AKAP12: variants seen among roughly 807,000 people sequenced by gnomAD.
The protein encoded by AKAP12 is A-kinase anchor protein 12.
A neutral mutation model predicts 79.9 loss-of-function variants in AKAP12; 32 were observed. That is an observed-to-expected ratio of 0.40 (90% CI 0.30 to 0.54). The LOEUF (loss-of-function observed/expected upper bound fraction) is 0.54, where lower values mean the gene tolerates loss of function less well. Among genes scored for constraint, AKAP12 ranks in the 20% least tolerant of loss-of-function variants. AKAP12 has a pLI of 0.48. For synonymous variants in AKAP12, 808 were observed against 857.0 expected (o/e 0.94, Z 1.00); for missense variants, 2,074 against 2,177.0 (o/e 0.95, Z 0.94).
At chr6:151,332,761 C>A (rs1777708278) in intron 3 of AKAP12, among the ~76,000 whole-genome samples, 1 of 147,984 alleles carries the variant, frequency 6.8e-6, no homozygotes, top group Non-Finnish European at 1.5e-5. Flanking sequence ...TGAATTCGGG[C>A]TCCAGAGGCT....
intron 2 of AKAP12, among the ~76,000 whole-genome samples, chr6:151,285,696 G>A (rs958511854): frequency 3.3e-5 from 5 of 152,034 alleles, no homozygotes; most frequent in Admixed American, 3.3e-4. Context: ...TTGTGGAGGG[G>A]AAAAGAAGTC....
At chr6:151,342,334 C>T (rs1242971341) in intron 3 of AKAP12, among the ~76,000 whole-genome samples, 2 of 152,188 alleles carry the variant, frequency 1.3e-5, no homozygotes, top group Admixed American at 1.3e-4. Context: ...CACACGATCG[C>T]ATGTGTTTTG....
In AKAP12 at chr6:151,353,836, T is replaced by C. The variant is rs1778367647; in HGVS notation, c.*12+84T>C. 1.3e-5 allele frequency: 11 copies of C among 877,436 alleles called. No individual in the cohort carries two copies. The South Asian group carries it at 1.9e-4, about 15-fold the overall frequency. 54.4% of individuals were successfully genotyped at this position (877,436 alleles called of 1,614,324 possible). ...TGTTACATAAGGAATCGGGAGCAAATAATTAATGCCTTCGTGTAGAACCTT... is the reference window on the plus strand; with the variant it reads ...TGTTACATAAGGAATCGGGAGCAAACAATTAATGCCTTCGTGTAGAACCTT... On this transcript the variant is annotated intron_variant, in intron 4 of 4. Transcript: ENST00000402676.
At position 151,350,279 on chromosome 6, in the gene AKAP12, G is replaced by T; in HGVS notation, c.1888G>T (p.Asp630Tyr). The change falls in exon 4 of 5, where the codon GAT becomes TAT. Residue 630 changes from aspartate to tyrosine, a missense_variant. Asp to Tyr is a radical substitution (Grantham distance 160). Coordinates refer to ENST00000402676, the MANE Select transcript of AKAP12 (RefSeq NM_005100.4). This position sits in a 1 kb window ranked among gnomAD's most constrained non-coding sequence, Gnocchi z 4.8. ...KKRVRRPSES[D>Y]KEDELDKVKS... ...GCGTGTTAGACGGCCTTCGGAAAGT[G>T]ATAAAGAAGATGAGCTGGACAAGGT... 6.2e-7 allele frequency: 1 copy of T among 1,614,078 alleles called. No individual in the cohort carries two copies. The highest frequency in any genetic ancestry group is 1.3e-5 in the African/African-American group (1 of 75,014).
chr6:151,259,453 TAC>T (rs1194708221), intron 2 of AKAP12, among the ~76,000 whole-genome samples: 1 of 146,214 alleles, frequency 6.8e-6, no homozygotes, highest in Non-Finnish European at 1.5e-5. Flanking sequence ...TGTATATATA[TAC>T]ACACATATAT....
chr6:151,255,242 G>A (rs1052243446), intron 2 of AKAP12, among the ~76,000 whole-genome samples: 3 of 151,520 alleles, frequency 2.0e-5, no homozygotes, highest in Non-Finnish European at 2.9e-5. Context: ...CTCGGCTCAC[G>A]GCAACCTCTG....
At chr6:151,329,916 G>A (rs140316817) in intron 3 of AKAP12, among the ~76,000 whole-genome samples, 68 of 152,326 alleles carry the variant, frequency 4.5e-4, no homozygotes, top group African/African-American at 1.2e-3. Flanking sequence ...TAACTGTAGA[G>A]TACCTTGCAA....
chr6:151,326,604 T>TA (rs1166040065), intron 3 of AKAP12, among the ~76,000 whole-genome samples: 3 of 152,150 alleles, frequency 2.0e-5, no homozygotes, highest in African/African-American at 7.2e-5. Flanking sequence ...GCAAATAACT[T>TA]ACACGCATCA....
intron 3 of AKAP12, among the ~76,000 whole-genome samples, chr6:151,306,516 C>T (rs368582062): frequency 4.6e-5 from 7 of 152,116 alleles, no homozygotes; most frequent in Non-Finnish European, 8.8e-5. Flanking sequence ...ACCTTGAGCT[C>T]GTTGTTCCAT....
chr6:151,354,593 C>T (rs112906250), intron 4 of AKAP12, among the ~76,000 whole-genome samples: 2,162 of 151,342 alleles, frequency 0.014, 41 homozygotes, highest in African/African-American at 0.048. Flanking sequence ...CAGGAGGTCT[C>T]GATCTCCTGA....
In AKAP12 at chr6:151,341,582, C is replaced by T. The variant is rs1039456156; in HGVS notation, c.320-7129C>T. 1,081 of 535,990 alleles carry T rather than the reference C, an allele frequency of 2.0e-3. 1 individual carries two copies. The highest frequency in any genetic ancestry group is 2.6e-3 in the Non-Finnish European group (1,014 of 393,340). The allele number at this position is 535,990 out of a possible 1,614,324, so 33.2% of individuals were successfully genotyped here. Reference sequence around the variant, plus strand: ...CTGGCTTCCCGGGCCCAGGCTTTCGCGAGCTATGGCAGCCGGCAGGGGCGC... The same window carrying T: ...CTGGCTTCCCGGGCCCAGGCTTTCGTGAGCTATGGCAGCCGGCAGGGGCGC... On this transcript the variant is annotated intron_variant, in intron 3 of 4. Transcript: ENST00000402676.
At chr6:151,325,162 C>T (rs149880235) in intron 3 of AKAP12, 1 of 985,384 alleles carries the variant, frequency 1.0e-6, no homozygotes, top group Non-Finnish European at 1.2e-6. Flanking sequence ...CAGAGCAGTG[C>T]AACGTGTGTG....
At chr6:151,242,835 G>A (rs1442474308) in intron 2 of AKAP12, among the ~76,000 whole-genome samples, 1 of 152,218 alleles carries the variant, frequency 6.6e-6, no homozygotes, top group Non-Finnish European at 1.5e-5. Context: ...GTGCCATGTT[G>A]CCTGGCACAG....
In AKAP12 at chr6:151,348,813, A is replaced by T. The variant is rs1191867896; in HGVS notation, c.422A>T (p.Glu141Val). The change falls in exon 4 of 5, where the codon GAG becomes GTG. Residue 141 changes from glutamate to valine, a missense_variant. Physicochemically the swap from Glu to Val is moderately radical, Grantham distance 121. Coordinates refer to ENST00000402676, the MANE Select transcript of AKAP12 (RefSeq NM_005100.4). ...GACATCACAGATGATGGGCAGGAGG[A>T]GACACCCGAAATAATCGAACAGATT... ...VHDITDDGQE[E>V]TPEIIEQIPS... 1.9e-6 allele frequency: 3 copies of T among 1,613,932 alleles called. No homozygotes were observed. In the African/African-American group the frequency reaches 4.0e-5, roughly 22 times the overall value.
chr6:151,343,595 C>T (rs1358063836), intron 3 of AKAP12, among the ~76,000 whole-genome samples: 2 of 152,046 alleles, frequency 1.3e-5, no homozygotes, highest in African/African-American at 2.4e-5. Context: ...ACCAGCCTGG[C>T]CAACATGGTG....
chr6:151,281,573 T>C (rs1582853493), intron 2 of AKAP12, among the ~76,000 whole-genome samples: 1 of 152,226 alleles, frequency 6.6e-6, no homozygotes, highest in East Asian at 1.9e-4. Flanking sequence ...TCCCAAATCC[T>C]AACTCAACCC....
At chr6:151,292,943 A>G (rs553596115) in intron 2 of AKAP12, among the ~76,000 whole-genome samples, 41 of 152,332 alleles carry the variant, frequency 2.7e-4, no homozygotes, top group African/African-American at 7.5e-4. Flanking sequence ...ATCTGTCTTC[A>G]TGGTGGAGCT....
At chr6:151,346,513 G>T (rs146577519) in intron 3 of AKAP12, among the ~76,000 whole-genome samples, 76 of 152,214 alleles carry the variant, frequency 5.0e-4, no homozygotes, top group African/African-American at 1.8e-3. Flanking sequence ...TGGTTGTGTC[G>T]TTGTGATTAG....
intron 2 of AKAP12, among the ~76,000 whole-genome samples, chr6:151,242,576 C>T (rs1043989943): frequency 2.0e-5 from 3 of 152,220 alleles, no homozygotes; most frequent in African/African-American, 4.8e-5. Context: ...AGGCTTTGAA[C>T]ACAAATGTCT....
Sources: gnomAD v4.1 joint callset for allele counts (sites outside exome capture counted in the v4.1 genomes callset) on GRCh38, gnomAD v4.1.1 for gene constraint, Gnocchi (gnomAD v3.1) non-coding constraint, MANE v1.5 for transcripts, NCBI Gene and HGNC (gene_info 2026-07-23, HGNC 2026-07-21) for gene names.